PCDH15: variants seen among roughly 807,000 people sequenced by gnomAD.
The protein encoded by PCDH15 is protocadherin-15.
PCDH15 carries 129 observed loss-of-function variants against 178.5 expected under a neutral mutation model. The observed-to-expected ratio is 0.72, with a 90% CI of 0.63 to 0.84. The LOEUF is 0.84. PCDH15 is among the 40% of genes least tolerant of loss of function. PCDH15 has a pLI of 0.00. For synonymous variants in PCDH15, 800 were observed against 732.0 expected, an observed-to-expected ratio of 1.09 and a Z score of -1.50; for missense variants, 2,230 against 2,099.9, an observed-to-expected ratio of 1.06 and a Z score of -1.21.
At chr10:54,593,400 G>C (rs2092006339) in intron 2 of PCDH15, among the ~76,000 whole-genome samples, 1 of 152,014 alleles carries the variant, frequency 6.6e-6, no homozygotes, top group Admixed American at 6.6e-5. Flanking sequence ...TGGATATCCA[G>C]TTTTCTCAGC....
At chr10:54,029,472 G>A (rs1461841929) in intron 18 of PCDH15, among the ~76,000 whole-genome samples, 1 of 152,036 alleles carries the variant, frequency 6.6e-6, no homozygotes, top group East Asian at 1.9e-4. Context: ...CCTGATTTGT[G>A]GCTACTAATT....
chr10:54,628,480 T>C (rs559228842), intron 2 of PCDH15, among the ~76,000 whole-genome samples: 1 of 152,200 alleles, frequency 6.6e-6, no homozygotes, highest in African/African-American at 2.4e-5. Context: ...TACAGGTCTT[T>C]AGTTAAAAGG....
At chr10:54,810,763 A>T (rs901491986) in intron 3 of PCDH15, among the ~76,000 whole-genome samples, 2 of 152,126 alleles carry the variant, frequency 1.3e-5, no homozygotes, top group African/African-American at 4.8e-5. Flanking sequence ...TAATTGCAAT[A>T]AAAAAACTAA....
chr10:54,832,493 T>G (rs1229032076), intron 3 of PCDH15, among the ~76,000 whole-genome samples: 1 of 152,178 alleles, frequency 6.6e-6, no homozygotes. Flanking sequence ...TTATGAAAGG[T>G]TAAGGTTACT....
rs141792534 is a variant in PCDH15 at position 54,423,789 on chromosome 10, G to T, written c.158-44847C>A. On this transcript the variant is annotated intron_variant, in intron 3 of 37. Transcript: ENST00000644397. ...CAAACAAATGATTGACTCATGCTGG[G>T]TTGAAAATGTGCTCTAGCCGTATGT... is the stretch of plus-strand genomic sequence containing the variant. Among the ~76,000 whole-genome samples, 1,252 of 151,962 alleles carry T rather than the reference G, an allele frequency of 8.2e-3. 9 individuals carry two copies. The highest frequency in any genetic ancestry group is 0.017 in the Admixed American group (252 of 15,264).
At chr10:54,104,959 A>C (rs929600241) in intron 15 of PCDH15, among the ~76,000 whole-genome samples, 3 of 151,818 alleles carry the variant, frequency 2.0e-5, no homozygotes, top group Non-Finnish European at 2.9e-5. Context: ...TATTATGTAT[A>C]GAGTCACTAA....
chr10:54,143,506 A>G (rs535931511), intron 14 of PCDH15, among the ~76,000 whole-genome samples: 1 of 152,260 alleles, frequency 6.6e-6, no homozygotes, highest in African/African-American at 2.4e-5. Context: ...AACTTTGGAG[A>G]TTGTGCCATT....
At chr10:55,542,215 T>C (rs1281379727) in intron 2 of PCDH15, among the ~76,000 whole-genome samples, 2 of 151,464 alleles carry the variant, frequency 1.3e-5, no homozygotes, top group African/African-American at 2.4e-5. Context: ...TATTTGTCTA[T>C]ATATGTGCAT....
At chr10:54,910,142 G>C (rs1314745857) in intron 2 of PCDH15, among the ~76,000 whole-genome samples, 1 of 152,084 alleles carries the variant, frequency 6.6e-6, no homozygotes, top group Non-Finnish European at 1.5e-5. Context: ...TGCCACCACT[G>C]CTGCTCCCAC....
At chr10:55,575,118 A>G (rs904833874) in intron 2 of PCDH15, among the ~76,000 whole-genome samples, 1 of 152,058 alleles carries the variant, frequency 6.6e-6, no homozygotes, top group Non-Finnish European at 1.5e-5. Flanking sequence ...GAAGCAGTTA[A>G]CCTCCATCTA....
chr10:54,293,980 A>G (rs2059588443), intron 8 of PCDH15, among the ~76,000 whole-genome samples: 1 of 152,218 alleles, frequency 6.6e-6, no homozygotes, highest in Non-Finnish European at 1.5e-5. Context: ...ATATACCCAA[A>G]GGATTATAAA....
intron 2 of PCDH15, among the ~76,000 whole-genome samples, chr10:55,552,544 G>A (rs1842021129): frequency 1.3e-5 from 2 of 151,312 alleles, no homozygotes; most frequent in South Asian, 2.1e-4. Context: ...CTATCTTTGT[G>A]TTCCCAAATC....
chr10:55,263,548 C>T (rs1438756106), intron 1 of PCDH15, among the ~76,000 whole-genome samples: 4 of 151,956 alleles, frequency 2.6e-5, no homozygotes, highest in African/African-American at 9.7e-5. Flanking sequence ...GGGAGAAAGC[C>T]CTGGTGGTAG....
chr10:54,519,940 C>G (rs1009036694), intron 3 of PCDH15, among the ~76,000 whole-genome samples: 17 of 152,130 alleles, frequency 1.1e-4, no homozygotes, highest in Non-Finnish European at 2.5e-4. Flanking sequence ...TTTGACAAAC[C>G]TGACAAAAAC....
chr10:53,819,251 T>C (rs1221977988), intron 33 of PCDH15, among the ~76,000 whole-genome samples: 3 of 152,048 alleles, frequency 2.0e-5, no homozygotes, highest in Non-Finnish European at 4.4e-5. Flanking sequence ...CCAGGCTTTA[T>C]TTTTTAGACG....
chr10:54,882,526 C>G (rs1217057599), intron 3 of PCDH15, among the ~76,000 whole-genome samples: 1 of 152,020 alleles, frequency 6.6e-6, no homozygotes, highest in Non-Finnish European at 1.5e-5. Flanking sequence ...AATTTTATCA[C>G]TCCTGGCCCC....
intron 18 of PCDH15, among the ~76,000 whole-genome samples, chr10:54,035,630 G>A (rs10825198): frequency 2.0e-5 from 3 of 151,588 alleles, no homozygotes; most frequent in Non-Finnish European, 4.4e-5. Flanking sequence ...CACTTTCCTT[G>A]AGCCTTCCTA....
At chr10:55,421,771 T>A (rs1838627322) in intron 2 of PCDH15, among the ~76,000 whole-genome samples, 1 of 151,490 alleles carries the variant, frequency 6.6e-6, no homozygotes, top group Admixed American at 6.6e-5. Flanking sequence ...TTGTTGTGAA[T>A]CATATTTTCT....
In PCDH15 at chr10:53,857,133, G is replaced by T. The variant is rs1331930818; in HGVS notation, c.3806+42C>A. The T allele has an allele frequency of 6.8e-6, 9 of 1,326,896 alleles. No individual in the cohort carries two copies. In the Admixed American group the frequency reaches 1.2e-4, roughly 18 times the overall value. 82.2% of individuals were successfully genotyped at this position (1,326,896 alleles called of 1,614,324 possible). A position where few individuals can be genotyped will look rare whatever the true frequency, so the allele number is the denominator to read the frequency against. ...TTTAAAAAATACAGTTAAAAATCAT[G>T]GTCATATAAAAATAAATATATAAGG... On this transcript the variant is annotated intron_variant, in intron 28 of 37. Coordinates refer to ENST00000644397, the MANE Select transcript of PCDH15 (RefSeq NM_001384140.1).
Sources: gnomAD v4.1 joint callset for allele counts (sites outside exome capture counted in the v4.1 genomes callset) on GRCh38, gnomAD v4.1.1 for gene constraint, MANE v1.5 for transcripts, NCBI Gene and HGNC (gene_info 2026-07-23, HGNC 2026-07-21) for gene names.